The following TCF12 variants were observed in gnomAD, a reference collection of about 807,000 sequenced individuals.
The protein encoded by TCF12 is DNA-binding protein HTF4.
TCF12 carries 45 observed loss-of-function variants against 86.0 expected under a neutral mutation model. That is an observed-to-expected ratio of 0.52 (90% confidence interval 0.41 to 0.67). TCF12 has a LOEUF of 0.67. Among genes scored for constraint, TCF12 ranks in the 30% least tolerant of loss-of-function variants. TCF12 has a pLI of 0.00. For synonymous variants in TCF12, 330 were observed against 299.6 expected, an observed-to-expected ratio of 1.10 and a Z score of -1.05; for missense variants, 881 against 859.9, an observed-to-expected ratio of 1.02 and a Z score of -0.31.
In TCF12 at chr15:56,975,631, G is replaced by A. The variant is rs1014232429; in HGVS notation, c.148+54533G>A. 4.2e-5 allele frequency among the ~76,000 whole-genome samples: 6 copies of A among 142,960 alleles called. No individual in the cohort carries two copies. The East Asian group carries it at 6.6e-4, about 16-fold the overall frequency. 93.8% of individuals were successfully genotyped at this position (142,960 alleles called of 152,430 possible). A position where few individuals can be genotyped will look rare whatever the true frequency, so the allele number is the denominator to read the frequency against. ...AGCTAAGCATATGCTAAAAACTAGG[G>A]GTTTTTTTTGTTTGTTTGTTTTTTG... On this transcript the variant is annotated intron_variant, in intron 3 of 20. Coordinates refer to ENST00000333725, the MANE Select transcript of TCF12 (RefSeq NM_207037.2).
chr15:57,180,854 G>T (rs1317988383), intron 6 of TCF12, among the ~76,000 whole-genome samples: 3 of 110,856 alleles, frequency 2.7e-5, no homozygotes, highest in African/African-American at 3.7e-5. Flanking sequence ...TCGCTCTGTC[G>T]CCCAGGCTGG....
At chr15:56,918,498 T>G, upstream of TCF12, 1 of 316,976 alleles carries the variant, frequency 3.2e-6, no homozygotes, top group South Asian at 2.2e-5. Flanking sequence ...ACCGCGGGCT[T>G]TGTCCACCCG....
intron 6 of TCF12, among the ~76,000 whole-genome samples, chr15:57,188,031 C>T (rs144820058): frequency 2.0e-4 from 30 of 151,870 alleles, no homozygotes; most frequent in Non-Finnish European, 3.4e-4. Flanking sequence ...CATTTGCAGA[C>T]GATATGATCT....
At chr15:57,014,753 G>A (rs2065047621) in intron 3 of TCF12, among the ~76,000 whole-genome samples, 1 of 152,000 alleles carries the variant, frequency 6.6e-6, no homozygotes, top group African/African-American at 2.4e-5. Flanking sequence ...TGACAGTCAG[G>A]TCAGAAGTAT....
chr15:57,112,645 A>G (rs576969578), intron 5 of TCF12, among the ~76,000 whole-genome samples: 110 of 152,334 alleles, frequency 7.2e-4, no homozygotes, highest in African/African-American at 2.6e-3. Context: ...TTGATTTGGT[A>G]TAGCACAAAT....
intron 3 of TCF12, among the ~76,000 whole-genome samples, chr15:56,965,858 C>T (rs2061979108): frequency 6.6e-6 from 1 of 152,152 alleles, no homozygotes; most frequent in Non-Finnish European, 1.5e-5. Flanking sequence ...CAATTAGTCA[C>T]TGGCTCTGAT....
chr15:57,014,578 G>A (rs557582800), intron 3 of TCF12, among the ~76,000 whole-genome samples: 6 of 152,164 alleles, frequency 3.9e-5, no homozygotes, highest in Non-Finnish European at 5.9e-5. Flanking sequence ...TTACATAGAT[G>A]TATTTTGAAA....
intron 16 of TCF12, among the ~76,000 whole-genome samples, chr15:57,259,812 C>T (rs1444035674): frequency 1.3e-5 from 2 of 152,210 alleles, no homozygotes; most frequent in Admixed American, 6.5e-5. Context: ...ACTGTTTATA[C>T]ACCTGTTGTA....
intron 3 of TCF12, among the ~76,000 whole-genome samples, chr15:57,021,315 C>T (rs1480562380): frequency 4.6e-5 from 7 of 152,140 alleles, no homozygotes. Flanking sequence ...AATGGGAAGG[C>T]ATGGGTAAGC....
At chr15:57,124,243 T>C in intron 5 of TCF12, among the ~76,000 whole-genome samples, 1 of 152,164 alleles carries the variant, frequency 6.6e-6, no homozygotes, top group East Asian at 1.9e-4. Context: ...GGTTTCCATG[T>C]TTTTGATTCC....
chr15:56,970,901 A>G (rs2062278192), intron 3 of TCF12, among the ~76,000 whole-genome samples: 1 of 140,412 alleles, frequency 7.1e-6, no homozygotes, highest in African/African-American at 2.6e-5. Context: ...AATAAAAAAA[A>G]AAATTAGCTG....
At chr15:56,991,708 A>G (rs1028265692) in intron 3 of TCF12, among the ~76,000 whole-genome samples, 4 of 152,182 alleles carry the variant, frequency 2.6e-5, no homozygotes, top group African/African-American at 9.7e-5. Context: ...CTAAATTCAG[A>G]TGAGTTACTC....
rs1204644797 is a variant in TCF12, at chr15:57,286,561, T to C, written c.*416T>C. On this transcript the variant is annotated 3_prime_UTR_variant, in exon 21 of 21. Transcript: ENST00000333725. ...TCTACATATAAAGGGAAAAAGTTAA[T>C]GTGGAAAGCTGATCTACACTCAGCT... 4.6e-6 allele frequency: 2 copies of C among 435,280 alleles called. No homozygotes were observed. The highest frequency in any genetic ancestry group is 4.2e-5 in the African/African-American group (2 of 47,310). 27.0% of individuals were successfully genotyped at this position (435,280 alleles called of 1,614,324 possible). A position where few individuals can be genotyped will look rare whatever the true frequency, so the allele number is the denominator to read the frequency against.
At chr15:57,034,666 T>C (rs1055941718) in intron 3 of TCF12, among the ~76,000 whole-genome samples, 16 of 152,234 alleles carry the variant, frequency 1.1e-4, no homozygotes, top group African/African-American at 3.9e-4. Flanking sequence ...TTCATACTCA[T>C]GATACAGTGA....
intron 3 of TCF12, among the ~76,000 whole-genome samples, chr15:57,021,265 T>C (rs1337169217): frequency 2.0e-5 from 3 of 152,200 alleles, no homozygotes; most frequent in African/African-American, 7.2e-5. Flanking sequence ...ATCGTGTTTC[T>C]AGCTTCGAGG....
At chr15:57,086,725 A>G (rs2048659396) in intron 4 of TCF12, among the ~76,000 whole-genome samples, 1 of 130,978 alleles carries the variant, frequency 7.6e-6, no homozygotes, top group Non-Finnish European at 1.7e-5. Context: ...AAAAAAAAAA[A>G]GGCCATTGAA....
At chr15:57,121,125 C>T (rs993115855) in intron 5 of TCF12, among the ~76,000 whole-genome samples, 4 of 152,162 alleles carry the variant, frequency 2.6e-5, no homozygotes, top group Admixed American at 2.6e-4. Flanking sequence ...CTGGAGCTGA[C>T]ATACATTCCA....
chr15:56,945,957 C>G (rs988347950), intron 3 of TCF12, among the ~76,000 whole-genome samples: 51 of 152,256 alleles, frequency 3.3e-4, no homozygotes, highest in African/African-American at 1.1e-3. Context: ...TATGATATAG[C>G]TACAGCATGA....
chr15:57,291,183 C>T (rs964509567), downstream of TCF12: 1 of 152,172 alleles, frequency 6.6e-6, no homozygotes, highest in Non-Finnish European at 1.5e-5. Flanking sequence ...ATAGCAAAAT[C>T]TCTGGATGCT....
Sources: allele counts gnomAD v4.1 joint callset (sites outside exome capture counted in the v4.1 genomes callset), GRCh38; gene constraint gnomAD v4.1.1; transcripts MANE v1.5; gene names NCBI Gene and HGNC (gene_info 2026-07-23, HGNC 2026-07-21).